DENND5B: variants seen among roughly 807,000 people sequenced by gnomAD.
DENND5B encodes DENN domain-containing protein 5B.
In DENND5B, 34 loss-of-function variants were observed where a neutral mutation model predicts 140.6. That is an observed-to-expected ratio of 0.24 (90% CI 0.18 to 0.32). DENND5B has a LOEUF of 0.32. Ranked by LOEUF, DENND5B falls within the 10% of genes least tolerant of loss-of-function variation. The pLI, the probability that DENND5B is intolerant of heterozygous loss-of-function variation, is 1.00. For missense variants in DENND5B, 1,142 were observed against 1,560.2 expected (o/e 0.73, Z 4.52); for synonymous variants, 551 against 562.1 (o/e 0.98, Z 0.28).
intron 1 of DENND5B, among the ~76,000 whole-genome samples, chr12:31,513,018 C>T (rs1947487229): frequency 6.6e-6 from 1 of 152,154 alleles, no homozygotes; most frequent in South Asian, 2.1e-4. Flanking sequence ...AGCAGTCAAG[C>T]CTCCCTAAGT....
intron 1 of DENND5B, among the ~76,000 whole-genome samples, chr12:31,525,507 A>T (rs1006193999): frequency 1.3e-5 from 2 of 152,136 alleles, no homozygotes; most frequent in Admixed American, 1.3e-4. Flanking sequence ...TGTTGCCAGG[A>T]GCTGAGTGAA....
intron 1 of DENND5B, among the ~76,000 whole-genome samples, chr12:31,543,606 A>G (rs1948758972): frequency 6.6e-6 from 1 of 152,252 alleles, no homozygotes; most frequent in Non-Finnish European, 1.5e-5. Context: ...ACAATCATCA[A>G]AAGTATAGCA....
chr12:31,413,509 T>C lies in DENND5B; in HGVS notation c.2608A>G (p.Ile870Val). The change falls in exon 13 of 21, where the codon ATA becomes GTA. Residue 870 changes from isoleucine to valine, a missense_variant. This residue lies in a region of DENND5B where 268 missense variants were observed against 349.2 expected (regional missense o/e 0.77). Coordinates refer to ENST00000389082, the MANE Select transcript of DENND5B (RefSeq NM_144973.4). Reference protein sequence around the residue: ...KTDVGRARAWIRLSLEKKLLS... With the variant: ...KTDVGRARAWVRLSLEKKLLS... ...AGCTTCTTTTCTAGAGACAGTCTTATCCACGCCCGAGCTCGTCCAACATCA... is the reference window on the plus strand; with the variant it reads ...AGCTTCTTTTCTAGAGACAGTCTTACCCACGCCCGAGCTCGTCCAACATCA... 1 of 1,613,904 alleles carries C rather than the reference T, an allele frequency of 6.2e-7. No homozygotes were observed. The highest frequency in any genetic ancestry group is 8.5e-7 in the Non-Finnish European group (1 of 1,179,822).
intron 1 of DENND5B, among the ~76,000 whole-genome samples, chr12:31,543,042 TA>T (rs1298779154): frequency 2.0e-5 from 3 of 151,966 alleles, no homozygotes; most frequent in Admixed American, 2.0e-4. Context: ...CTACAAAAAA[TA>T]CAAAAACTAG....
intron 4 of DENND5B, among the ~76,000 whole-genome samples, chr12:31,453,259 A>T (rs1944620933): frequency 6.6e-6 from 1 of 152,154 alleles, no homozygotes. Flanking sequence ...AATAATTAAG[A>T]GTTCACACAA....
chr12:31,589,786 G>A (rs1425227994), intron 1 of DENND5B: 1 of 152,206 alleles, frequency 6.6e-6, no homozygotes, highest in Non-Finnish European at 1.5e-5. Flanking sequence ...GAGGCAAGCA[G>A]AAAGGAACAG....
chr12:31,436,352 C>T (rs1389117358), intron 7 of DENND5B, among the ~76,000 whole-genome samples: 4 of 152,056 alleles, frequency 2.6e-5, no homozygotes, highest in African/African-American at 7.2e-5. Context: ...CTGCCCGCCT[C>T]GGCCTCCCAA....
intron 2 of DENND5B, among the ~76,000 whole-genome samples, chr12:31,489,237 C>A (rs949341652): frequency 6.6e-6 from 1 of 152,130 alleles, no homozygotes; most frequent in African/African-American, 2.4e-5. Flanking sequence ...GATGTTTGCA[C>A]AATAAAATCA....
chr12:31,473,752 G>A (rs191724768), intron 3 of DENND5B, among the ~76,000 whole-genome samples: 46 of 152,258 alleles, frequency 3.0e-4, no homozygotes, highest in Admixed American at 1.2e-3. Flanking sequence ...TATCTAAGGC[G>A]ATTTTGGAAA....
At chr12:31,517,364 G>T (rs544323153) in intron 1 of DENND5B, among the ~76,000 whole-genome samples, 43 of 152,328 alleles carry the variant, frequency 2.8e-4, no homozygotes, top group Non-Finnish European at 6.0e-4. Context: ...TGAGTAGTTA[G>T]CACCCTGTAT....
At position 31,433,793 on chromosome 12, in the gene DENND5B, CG is replaced by C. The variant is rs538453095; in HGVS notation, c.2013-546del. Among the ~76,000 whole-genome samples, 416 of 152,164 alleles carry C rather than the reference CG, an allele frequency of 2.7e-3. 5 individuals carry two copies. The highest frequency in any genetic ancestry group is 9.6e-3 in the African/African-American group (399 of 41,522). On this transcript the variant is annotated intron_variant, in intron 7 of 20. Transcript: ENST00000389082. ...ACACCTGTAATCCTAGCACTTTGGCCGGATCACTTGAGGCCAGTAGTTCGAG... is the reference window on the plus strand; with the variant it reads ...ACACCTGTAATCCTAGCACTTTGGCCGATCACTTGAGGCCAGTAGTTCGAG...
intron 1 of DENND5B, among the ~76,000 whole-genome samples, chr12:31,573,647 A>G (rs781129117): frequency 3.3e-5 from 5 of 152,240 alleles, no homozygotes; most frequent in Non-Finnish European, 7.3e-5. Flanking sequence ...AGACTCTTAT[A>G]ATGACTCCAT....
chr12:31,581,042 C>G, intron 1 of DENND5B, among the ~76,000 whole-genome samples: 1 of 152,100 alleles, frequency 6.6e-6, no homozygotes, highest in East Asian at 1.9e-4. Flanking sequence ...GAGGTTGAGG[C>G]TGCAGTGAGC....
At chr12:31,470,157 C>T (rs937830368) in intron 3 of DENND5B, among the ~76,000 whole-genome samples, 1 of 148,896 alleles carries the variant, frequency 6.7e-6, no homozygotes, top group Admixed American at 6.7e-5. Context: ...CCTTGTTACC[C>T]AGGCTGGAGT....
At chr12:31,484,546 G>A (rs1011789262) in intron 2 of DENND5B, among the ~76,000 whole-genome samples, 1 of 152,184 alleles carries the variant, frequency 6.6e-6, no homozygotes, top group Non-Finnish European at 1.5e-5. Context: ...GCTCATGCCT[G>A]TTATCCTAGC....
At chr12:31,472,275 C>T (rs903063930) in intron 3 of DENND5B, among the ~76,000 whole-genome samples, 1 of 152,118 alleles carries the variant, frequency 6.6e-6, no homozygotes, top group East Asian at 1.9e-4. Context: ...GTGAATAAAA[C>T]AGACCTTGAT....
chr12:31,524,419 G>A (rs1948014036), intron 1 of DENND5B, among the ~76,000 whole-genome samples: 1 of 152,170 alleles, frequency 6.6e-6, no homozygotes. Context: ...TTGGGAGGCT[G>A]AGGTGGGCAA....
chr12:31,471,461 A>ATTTTTTTTTT (rs747862984), intron 3 of DENND5B, among the ~76,000 whole-genome samples: 2 of 111,934 alleles, frequency 1.8e-5, no homozygotes, highest in Non-Finnish European at 1.7e-5. Context: ...CCATGCCTGT[A>ATTTTTTTTTT]TTTTTTTTTT....
At chr12:31,579,229 C>A (rs1164085498) in intron 1 of DENND5B, among the ~76,000 whole-genome samples, 3 of 152,208 alleles carry the variant, frequency 2.0e-5, no homozygotes, top group Non-Finnish European at 4.4e-5. Flanking sequence ...TGCAGAACAT[C>A]TGAGAAAGCT....
Sources: gnomAD v4.1 joint callset for allele counts (sites outside exome capture counted in the v4.1 genomes callset) on GRCh38, gnomAD v4.1.1 for gene constraint, gnomAD v4.1.1 regional missense constraint, MANE v1.5 for transcripts, NCBI Gene and HGNC (gene_info 2026-07-23, HGNC 2026-07-21) for gene names.